WBP1L: variants seen among roughly 807,000 people sequenced by gnomAD.
WBP1L encodes WW domain binding protein 1-like.
Under a neutral mutation model 33.7 loss-of-function variants are expected in WBP1L, and 17 were observed. The ratio of observed to expected loss-of-function variants is 0.50; its 90% CI spans 0.34 to 0.76. The LOEUF (loss-of-function observed/expected upper bound fraction) is 0.76, where lower values mean the gene tolerates loss of function less well. Among genes scored for constraint, WBP1L ranks in the 30% least tolerant of loss-of-function variants. The pLI is 0.01. For missense variants in WBP1L, 389 were observed against 469.4 expected, an observed-to-expected ratio of 0.83 and a Z score of 1.58; for synonymous variants, 173 against 190.8, an observed-to-expected ratio of 0.91 and a Z score of 0.77.
intron 2 of WBP1L, among the ~76,000 whole-genome samples, chr10:102,798,998 T>C (rs1190691987): frequency 6.6e-6 from 1 of 152,172 alleles, no homozygotes; most frequent in Admixed American, 6.5e-5. Context: ...CCTGGAGGAT[T>C]CTCCAGTGTA....
At chr10:102,805,595 T>TA (rs1394453182) in intron 2 of WBP1L, among the ~76,000 whole-genome samples, 1 of 152,062 alleles carries the variant, frequency 6.6e-6, no homozygotes, top group Non-Finnish European at 1.5e-5. Context: ...AATGTACTTT[T>TA]AAAATTTTAA....
At chr10:102,789,747 C>CTT (rs759423576) in intron 1 of WBP1L, among the ~76,000 whole-genome samples, 37 of 138,216 alleles carry the variant, frequency 2.7e-4, no homozygotes, top group African/African-American at 3.9e-4. Context: ...AATTTTGTAT[C>CTT]TTTTTTTTTT....
At chr10:102,756,648 C>T (rs969365313) in intron 1 of WBP1L, among the ~76,000 whole-genome samples, 1 of 152,026 alleles carries the variant, frequency 6.6e-6, no homozygotes, top group Non-Finnish European at 1.5e-5. Context: ...TTTCTTTTTG[C>T]AATTGTGCTA....
chr10:102,774,717 A>C (rs574920727), intron 1 of WBP1L, among the ~76,000 whole-genome samples: 1 of 152,322 alleles, frequency 6.6e-6, no homozygotes, highest in African/African-American at 2.4e-5. Flanking sequence ...GCACAGTGCC[A>C]CTACCATGGA....
chr10:102,758,996 G>C (rs988869974), intron 1 of WBP1L, among the ~76,000 whole-genome samples: 5 of 152,190 alleles, frequency 3.3e-5, no homozygotes, highest in African/African-American at 1.2e-4. Context: ...AGGAGTACGG[G>C]AGGAGCATGA....
At chr10:102,766,441 CAAAAAAAAAAA>C (rs56812691) in intron 1 of WBP1L, among the ~76,000 whole-genome samples, 2 of 57,456 alleles carry the variant, frequency 3.5e-5, no homozygotes, top group Non-Finnish European at 6.1e-5. Context: ...AACTCTGTCT[CAAAAAAAAAAA>C]AAAAAAAAAA....
chr10:102,746,780 G>A (rs1842868310), intron 1 of WBP1L, among the ~76,000 whole-genome samples: 2 of 152,074 alleles, frequency 1.3e-5, no homozygotes, highest in South Asian at 4.1e-4. Flanking sequence ...ATCGAATAAT[G>A]GTATTGGTAC....
At chr10:102,753,807 G>A (rs1026575635) in intron 1 of WBP1L, among the ~76,000 whole-genome samples, 31 of 152,220 alleles carry the variant, frequency 2.0e-4, no homozygotes, top group African/African-American at 7.2e-4. Context: ...AAGAATATCT[G>A]TGGCTTGGAA....
intron 1 of WBP1L, among the ~76,000 whole-genome samples, chr10:102,780,768 TC>T (rs1246584011): frequency 6.6e-6 from 1 of 152,206 alleles, no homozygotes; most frequent in Non-Finnish European, 1.5e-5. Flanking sequence ...AGGTGGCCCT[TC>T]CCACAGTCCA....
chr10:102,770,480 A>C (rs908992202), intron 1 of WBP1L, among the ~76,000 whole-genome samples: 1 of 152,208 alleles, frequency 6.6e-6, no homozygotes, highest in Non-Finnish European at 1.5e-5. Context: ...ATTGTAAAAT[A>C]AGATACCCCT....
intron 1 of WBP1L, among the ~76,000 whole-genome samples, chr10:102,754,553 C>A (rs188673940): frequency 6.6e-6 from 1 of 151,028 alleles, no homozygotes; most frequent in Non-Finnish European, 1.5e-5. Flanking sequence ...CATGTGCCAC[C>A]ATGCCTGGCT....
chr10:102,796,908 C>CT (rs34059478), intron 1 of WBP1L, among the ~76,000 whole-genome samples: 1 of 152,010 alleles, frequency 6.6e-6, no homozygotes, highest in Non-Finnish European at 1.5e-5. Context: ...ACATGTGAAA[C>CT]TTTTTTTTAA....
intron 1 of WBP1L, among the ~76,000 whole-genome samples, chr10:102,776,930 G>A (rs1328686963): frequency 2.0e-5 from 3 of 152,014 alleles, no homozygotes; most frequent in African/African-American, 7.3e-5. Flanking sequence ...GCTGAGGGAC[G>A]TTCCCGACGC....
At chr10:102,806,941 A>G (rs78004414) in intron 2 of WBP1L, among the ~76,000 whole-genome samples, 186 of 152,222 alleles carry the variant, frequency 1.2e-3, no homozygotes, top group African/African-American at 4.4e-3. Context: ...AGGGGGAAAA[A>G]CATCAAGGAT....
At chr10:102,803,163 G>C (rs1843682166) in intron 2 of WBP1L, among the ~76,000 whole-genome samples, 2 of 152,232 alleles carry the variant, frequency 1.3e-5, no homozygotes, top group African/African-American at 4.8e-5. Context: ...TTCAGAAGAA[G>C]TTGCGAGTCT....
intron 1 of WBP1L, among the ~76,000 whole-genome samples, chr10:102,767,920 C>T (rs763241574): frequency 6.6e-6 from 1 of 152,182 alleles, no homozygotes; most frequent in Non-Finnish European, 1.5e-5. Context: ...CTACCCCCAA[C>T]TAATCTTTGC....
At chr10:102,780,265 A>G (rs772466396) in intron 1 of WBP1L, among the ~76,000 whole-genome samples, 2 of 152,236 alleles carry the variant, frequency 1.3e-5, no homozygotes, top group Admixed American at 6.5e-5. Context: ...TCAGAAGAAG[A>G]TAGTCACCTG....
chr10:102,798,113 T>A lies in WBP1L; in HGVS notation c.193+18T>A. The A allele has an allele frequency of 6.2e-7, 1 of 1,607,640 alleles. No homozygotes were observed. Among genetic ancestry groups the A allele is most frequent in the Non-Finnish European group, 8.5e-7 (1 of 1,174,286 alleles). The stretch of plus-strand genomic sequence containing the variant: ...ACTCTGGTGTAAGTCCTTGCTTGGG[T>A]GCCTCTCAGTATCCCAGGGTCCCAG... On this transcript the variant is annotated intron_variant, in intron 2 of 3. Coordinates refer to ENST00000448841, the MANE Select transcript of WBP1L (RefSeq NM_001083913.2).
intron 1 of WBP1L, among the ~76,000 whole-genome samples, chr10:102,779,207 A>T (rs1010528939): frequency 6.6e-6 from 1 of 151,538 alleles, no homozygotes; most frequent in African/African-American, 2.4e-5. Flanking sequence ...GAGGCAGGAG[A>T]ATCGCTTAAA....
Sources: gnomAD v4.1 joint callset for allele counts (sites outside exome capture counted in the v4.1 genomes callset) on GRCh38, gnomAD v4.1.1 for gene constraint, MANE v1.5 for transcripts, NCBI Gene and HGNC (gene_info 2026-07-23, HGNC 2026-07-21) for gene names.